The following MITF variants were observed in gnomAD, a reference collection of about 807,000 sequenced individuals.
MITF encodes melanocyte inducing transcription factor.
A neutral mutation model predicts 60.5 loss-of-function variants in MITF; 17 were observed. The observed-to-expected ratio is 0.28, with a 90% confidence interval of 0.19 to 0.42. MITF has a LOEUF of 0.42. Among genes scored for constraint, MITF ranks in the 10% least tolerant of loss-of-function variants. The probability of loss-of-function intolerance (pLI) is 1.00; values close to 1 mark genes in which losing one functional copy is unlikely to be tolerated. For missense variants in MITF, 622 were observed against 683.5 expected (o/e 0.91, Z 1.00); for synonymous variants, 260 against 248.5 (o/e 1.05, Z -0.43).
intron 1 of MITF, among the ~76,000 whole-genome samples, chr3:69,829,672 GCACACA>G (rs34482357): frequency 2.7e-5 from 4 of 150,604 alleles, no homozygotes; most frequent in East Asian, 2.0e-4. Flanking sequence ...AGGTGTGGAT[GCACACA>G]CACACACACA....
intron 1 of MITF, among the ~76,000 whole-genome samples, chr3:69,797,272 T>C (rs996761778): frequency 6.6e-6 from 1 of 152,198 alleles, no homozygotes; most frequent in Non-Finnish European, 1.5e-5. Flanking sequence ...TTTTTTAACC[T>C]GTGTTCTCAG....
At position 69,949,261 on chromosome 3, in the gene MITF, C is replaced by G. The variant is rs1576029509; in HGVS notation, c.880+93C>G. ...GATATAGTGATGTGCAAACTATATC[C>G]AACTCATGGACGTAACTTTTATAGG... On this transcript the variant is annotated intron_variant, in intron 6 of 9. Coordinates refer to ENST00000352241, the MANE Select transcript of MITF (RefSeq NM_001354604.2). 9 of 938,984 alleles carry G rather than the reference C, an allele frequency of 9.6e-6. No homozygotes were observed. The East Asian group carries it at 2.2e-4, about 23-fold the overall frequency. 58.2% of individuals were successfully genotyped at this position (938,984 alleles called of 1,614,324 possible).
At chr3:69,797,828 A>G (rs1026879020) in intron 1 of MITF, among the ~76,000 whole-genome samples, 1 of 152,226 alleles carries the variant, frequency 6.6e-6, no homozygotes, top group African/African-American at 2.4e-5. Context: ...GGTAACAGGT[A>G]GTGATACAAA....
At chr3:69,914,511 C>G (rs903843189) in intron 2 of MITF, among the ~76,000 whole-genome samples, 11 of 152,170 alleles carry the variant, frequency 7.2e-5, no homozygotes, top group Non-Finnish European at 1.5e-4. Context: ...AGGAGATGAA[C>G]CTGCCACTTC....
At chr3:69,794,689 C>A (rs934955777) in intron 1 of MITF, among the ~76,000 whole-genome samples, 1 of 152,288 alleles carries the variant, frequency 6.6e-6, no homozygotes, top group Non-Finnish European at 1.5e-5. Context: ...AGATACACAT[C>A]CATGTAGCTA....
intron 2 of MITF, among the ~76,000 whole-genome samples, chr3:69,895,335 C>T (rs1253356056): frequency 1.3e-5 from 2 of 152,144 alleles, no homozygotes; most frequent in Non-Finnish European, 2.9e-5. Context: ...TTTAGATACG[C>T]TATTATTTTG....
At chr3:69,936,278 A>G (rs529444046) in intron 2 of MITF, among the ~76,000 whole-genome samples, 1 of 152,304 alleles carries the variant, frequency 6.6e-6, no homozygotes, top group Admixed American at 6.5e-5. Context: ...TCTCCTCCAA[A>G]GGGGCATTCT....
In MITF at chr3:69,792,459, TA is replaced by T. The variant is rs375369255; in HGVS notation, c.104+52761del. On this transcript the variant is annotated intron_variant, in intron 1 of 9. Transcript: ENST00000352241. ...AGCTTTCATTATATGATTTTTTTTT[TA>T]AATTCCAAAAGAATAACGATAGTGT... Among the ~76,000 whole-genome samples, 1,300 of 152,144 alleles carry T rather than the reference TA, an allele frequency of 8.5e-3. 14 individuals carry two copies. The highest frequency in any genetic ancestry group is 0.03 in the African/African-American group (1,226 of 41,516).
At chr3:69,941,445 T>C (rs1457689635) in intron 5 of MITF, 114 bp downstream of exon 5, 1 of 680,128 alleles carries the variant, frequency 1.5e-6, no homozygotes, top group Non-Finnish European at 2.6e-6. Context: ...AATGTATTAA[T>C]AGTAAAATGG....
chr3:69,878,371 G>A (rs559031650), intron 1 of MITF, among the ~76,000 whole-genome samples: 3 of 152,060 alleles, frequency 2.0e-5, no homozygotes, highest in African/African-American at 7.2e-5. Flanking sequence ...AACTATTTTG[G>A]GTAGAGTGAG....
rs1243231304 is a variant in MITF at position 69,828,274 on chromosome 3, G to A, written c.105-50860G>A. On this transcript the variant is annotated intron_variant, in intron 1 of 9. Transcript: ENST00000352241. ...AGTTTCAAACGTTGTATTTTAAGAT[G>A]AAGAATAATTTAAGAAGATTAGTGA... 2.6e-5 allele frequency among the ~76,000 whole-genome samples: 4 copies of A among 152,272 alleles called. No homozygotes were observed. In the East Asian group the frequency reaches 7.7e-4, roughly 29 times the overall value.
intron 2 of MITF, among the ~76,000 whole-genome samples, chr3:69,892,966 TAAAAC>T (rs915012622): frequency 6.6e-6 from 1 of 152,218 alleles, no homozygotes; most frequent in African/African-American, 2.4e-5. Flanking sequence ...TCTGTTGAAA[TAAAAC>T]AAACGGTCAT....
At chr3:69,958,155 C>A (rs1307205386) in intron 8 of MITF, among the ~76,000 whole-genome samples, 3 of 152,226 alleles carry the variant, frequency 2.0e-5, no homozygotes, top group Admixed American at 2.0e-4. Context: ...GAAACAATCA[C>A]TTCTTTTAAA....
intron 2 of MITF, among the ~76,000 whole-genome samples, chr3:69,885,722 A>T (rs934907865): frequency 7.9e-5 from 12 of 152,232 alleles, no homozygotes; most frequent in African/African-American, 2.9e-4. Context: ...AAGGCTTTTT[A>T]TTGGGATACT....
chr3:69,827,952 C>T (rs2107081648), intron 1 of MITF, among the ~76,000 whole-genome samples: 1 of 152,284 alleles, frequency 6.6e-6, no homozygotes, highest in East Asian at 1.9e-4. Context: ...TTCCTTCTGC[C>T]AGGTGATGTG....
At chr3:69,925,624 TC>T (rs1259165544) in intron 2 of MITF, among the ~76,000 whole-genome samples, 1 of 152,168 alleles carries the variant, frequency 6.6e-6, no homozygotes, top group Non-Finnish European at 1.5e-5. Context: ...AAAATCAAAT[TC>T]CTTTCAATGG....
intron 1 of MITF, among the ~76,000 whole-genome samples, chr3:69,820,456 CAA>C (rs1316056832): frequency 8.0e-6 from 1 of 124,260 alleles, no homozygotes; most frequent in African/African-American, 2.6e-5. Flanking sequence ...GCAATGAAAA[CAA>C]GAGTAGGATT....
chr3:69,751,411 C>G (rs1703929022), intron 1 of MITF, among the ~76,000 whole-genome samples: 1 of 152,142 alleles, frequency 6.6e-6, no homozygotes, highest in Non-Finnish European at 1.5e-5. Context: ...GTTCACTTCT[C>G]TGATCATGAA....
intron 2 of MITF, among the ~76,000 whole-genome samples, chr3:69,891,166 A>T (rs934655365): frequency 1.3e-5 from 2 of 152,160 alleles, no homozygotes; most frequent in Admixed American, 6.5e-5. Flanking sequence ...AAAATCACAT[A>T]CCTAAATAAT....
Sources: allele counts gnomAD v4.1 joint callset (sites outside exome capture counted in the v4.1 genomes callset), GRCh38; gene constraint gnomAD v4.1.1; transcripts MANE v1.5; gene names NCBI Gene and HGNC (gene_info 2026-07-23, HGNC 2026-07-21).